The following HPCAL1 variants were observed in gnomAD, a reference collection of about 807,000 sequenced individuals.
HPCAL1 encodes hippocalcin like 1, also known as hippocalcin-like protein 1.
HPCAL1 carries 8 observed loss-of-function variants against 17.1 expected under a neutral mutation model. The observed-to-expected ratio is 0.47, with a 90% CI of 0.27 to 0.84. The LOEUF (loss-of-function observed/expected upper bound fraction) is 0.84, where lower values mean the gene tolerates loss of function less well. Ranked by LOEUF, HPCAL1 falls within the 40% of genes least tolerant of loss-of-function variation. HPCAL1 has a pLI of 0.13. For missense variants in HPCAL1, 165 were observed against 271.1 expected (o/e 0.61, Z 2.75); for synonymous variants, 112 against 111.4 (o/e 1.01, Z -0.03).
chr2:10,416,352 G>T (rs1009010827), intron 2 of HPCAL1, among the ~76,000 whole-genome samples: 1 of 152,322 alleles, frequency 6.6e-6, no homozygotes, highest in Non-Finnish European at 1.5e-5. Context: ...CCTGACAGCC[G>T]GAGGGGGGCT....
chr2:10,408,961 T>C (rs1172924707), intron 2 of HPCAL1, among the ~76,000 whole-genome samples: 1 of 152,164 alleles, frequency 6.6e-6, no homozygotes, highest in African/African-American at 2.4e-5. Flanking sequence ...TATAGCCGCA[T>C]TGAAAAGTAA....
intron 1 of HPCAL1, among the ~76,000 whole-genome samples, chr2:10,383,702 A>G (rs563988978): frequency 6.7e-6 from 1 of 149,766 alleles, no homozygotes; most frequent in Non-Finnish European, 1.5e-5. Context: ...GAAAAGAAAA[A>G]AAAGGTAAAT....
In HPCAL1 at chr2:10,377,628, C is replaced by T. The variant is rs1371844117; in HGVS notation, c.-110-19207C>T. 3.3e-5 allele frequency among the ~76,000 whole-genome samples: 5 copies of T among 152,042 alleles called. No individual in the cohort carries two copies. The highest frequency in any genetic ancestry group is 5.9e-5 in the Non-Finnish European group (4 of 67,990). On this transcript the variant is annotated intron_variant, in intron 1 of 4. Transcript: ENST00000307845. This position sits in a 1 kb window ranked among gnomAD's most constrained non-coding sequence, Gnocchi z 5.9. ...CCCCTCCTCCCCCTGGCTCCCGTGT[C>T]CTGCCCACCTCCCCACACTGGCACC...
intron 1 of HPCAL1, among the ~76,000 whole-genome samples, chr2:10,372,807 G>A (rs555356529): frequency 8.4e-4 from 128 of 152,358 alleles, no homozygotes; most frequent in Admixed American, 1.4e-3. Flanking sequence ...TCTGGAGCCT[G>A]TGGGTGTGTA....
chr2:10,416,140 C>T (rs1670656946), intron 2 of HPCAL1, among the ~76,000 whole-genome samples: 1 of 152,248 alleles, frequency 6.6e-6, no homozygotes, highest in Non-Finnish European at 1.5e-5. Flanking sequence ...GGCTTAGCGG[C>T]AGTCAAGGTA....
intron 1 of HPCAL1, among the ~76,000 whole-genome samples, chr2:10,320,084 C>A (rs1663576207): frequency 6.6e-6 from 1 of 152,116 alleles, no homozygotes; most frequent in Admixed American, 6.5e-5. Context: ...GTTGCCTCCT[C>A]CAAGAAGCCT....
At chr2:10,320,242 G>A (rs1663584446) in intron 1 of HPCAL1, among the ~76,000 whole-genome samples, 1 of 152,010 alleles carries the variant, frequency 6.6e-6, no homozygotes, top group African/African-American at 2.4e-5. Flanking sequence ...GCCTCCCCAC[G>A]GACATGGACG....
rs537749913 is a variant in HPCAL1, at chr2:10,319,851, C to T, written c.-111+16674C>T. 1.8e-4 allele frequency among the ~76,000 whole-genome samples: 28 copies of T among 152,082 alleles called. No individual in the cohort carries two copies. In the South Asian group the frequency reaches 2.1e-3, roughly 11 times the overall value. On this transcript the variant is annotated intron_variant, in intron 1 of 4. Coordinates refer to ENST00000307845, the MANE Select transcript of HPCAL1 (RefSeq NM_002149.4). ...AATCCTCAGGGATTCGTTTCCCAGC[C>T]GACTTATGCCTTACTAAGTGGAGCA...
At chr2:10,422,814 C>T (rs1258122045) in intron 3 of HPCAL1, among the ~76,000 whole-genome samples, 169 bp from the exon 4 acceptor site, 1 of 152,234 alleles carries the variant, frequency 6.6e-6, no homozygotes, top group Non-Finnish European at 1.5e-5. Context: ...CACATAGACA[C>T]CCGTGAGGTT....
Position 10,362,312 on chromosome 2 carries a change from TG to T in HPCAL1, c.-110-34517del, listed in dbSNP as rs1351380823. On this transcript the variant is annotated intron_variant, in intron 1 of 4. Coordinates refer to ENST00000307845, the MANE Select transcript of HPCAL1 (RefSeq NM_002149.4). The surrounding 1 kb of genome is among the most constrained non-coding windows in gnomAD (Gnocchi z 5.0). ...GGCACTCAGTCCTGGAGTGGCAGCA[TG>T]GGGGGCGGGGGCAGGAGCATGGGGG... is the stretch of plus-strand genomic sequence containing the variant. Among the ~76,000 whole-genome samples, 1 of 134,380 alleles carries T rather than the reference TG, an allele frequency of 7.4e-6. No homozygotes were observed. The highest frequency in any genetic ancestry group is 1.6e-5 in the Non-Finnish European group (1 of 62,522). 88.2% of individuals were successfully genotyped at this position (134,380 alleles called of 152,430 possible).
At chr2:10,411,226 C>T (rs897848992) in intron 2 of HPCAL1, among the ~76,000 whole-genome samples, 1 of 152,172 alleles carries the variant, frequency 6.6e-6, no homozygotes, top group Non-Finnish European at 1.5e-5. Context: ...GTGGCCTCCA[C>T]GGCTGCTTAT....
At chr2:10,347,160 G>A (rs527956114) in intron 1 of HPCAL1, among the ~76,000 whole-genome samples, 1 of 152,214 alleles carries the variant, frequency 6.6e-6, no homozygotes, top group Admixed American at 6.5e-5. Context: ...CGGCCTCAGT[G>A]AGAGGGAGTG....
At chr2:10,358,487 C>A (rs866376543) in intron 1 of HPCAL1, among the ~76,000 whole-genome samples, 2 of 152,326 alleles carry the variant, frequency 1.3e-5, no homozygotes, top group Middle Eastern at 3.4e-3. Context: ...TTTCCCAAGA[C>A]CACCCTGGCC....
intron 2 of HPCAL1, among the ~76,000 whole-genome samples, chr2:10,406,664 G>A (rs968504959): frequency 3.9e-5 from 6 of 152,228 alleles, no homozygotes; most frequent in Non-Finnish European, 5.9e-5. Flanking sequence ...GATTTCCACC[G>A]GGCTCGCTCT....
Position 10,384,524 on chromosome 2 carries a change from C to T in HPCAL1, c.-110-12311C>T, listed in dbSNP as rs1201903822. ...GGCACTGGGGCAAGGCCCCCTCCCCCATGGGGCTACAGATGCTAATCTGCA... is the reference window on the plus strand; with the variant it reads ...GGCACTGGGGCAAGGCCCCCTCCCCTATGGGGCTACAGATGCTAATCTGCA... On this transcript the variant is annotated intron_variant, in intron 1 of 4. Transcript: ENST00000307845. This position sits in a 1 kb window ranked among gnomAD's most constrained non-coding sequence, Gnocchi z 4.4. 6.6e-6 allele frequency among the ~76,000 whole-genome samples: 1 copy of T among 152,124 alleles called. No individual in the cohort carries two copies. The highest frequency in any genetic ancestry group is 1.5e-5 in the Non-Finnish European group (1 of 68,008).
chr2:10,420,039 G>C lies in HPCAL1; in HGVS notation c.282G>C (p.Arg94=). 3 of 1,613,914 alleles carry C rather than the reference G, an allele frequency of 1.9e-6. No individual in the cohort carries two copies. Among genetic ancestry groups the C allele is most frequent in the Non-Finnish European group, 2.5e-6 (3 of 1,180,020 alleles). Residue 94 remains arginine (R), a synonymous_variant, in exon 3 of 5, where the codon CGG becomes CGC. Transcript: ENST00000307845. ...EFIIALSVTS[R]GKLEQKLKWA... ...TCATTGCGCTGAGCGTGACCTCGCGGGGCAAGCTGGAGCAGAAGCTCAAGT... is the reference window on the plus strand; with the variant it reads ...TCATTGCGCTGAGCGTGACCTCGCGCGGCAAGCTGGAGCAGAAGCTCAAGT...
chr2:10,364,348 G>C (rs542240209), intron 1 of HPCAL1, among the ~76,000 whole-genome samples: 1 of 152,170 alleles, frequency 6.6e-6, no homozygotes, highest in African/African-American at 2.4e-5. Context: ...TGAGGGTGAG[G>C]CCCCCCCTAC....
intron 1 of HPCAL1, among the ~76,000 whole-genome samples, chr2:10,388,725 C>T (rs140002801): frequency 1.3e-5 from 2 of 152,340 alleles, no homozygotes; most frequent in African/African-American, 2.4e-5. Context: ...CTGCCGACCT[C>T]GTCTCTTACT....
chr2:10,417,374 A>C (rs1558532512), intron 2 of HPCAL1, among the ~76,000 whole-genome samples: 2 of 145,384 alleles, frequency 1.4e-5, no homozygotes, highest in South Asian at 2.2e-4. Flanking sequence ...AAAAAAAAAC[A>C]AAAAAAAAAG....
Sources: gnomAD v4.1 joint callset for allele counts (sites outside exome capture counted in the v4.1 genomes callset) on GRCh38, gnomAD v4.1.1 for gene constraint, Gnocchi (gnomAD v3.1) non-coding constraint, MANE v1.5 for transcripts, NCBI Gene and HGNC (gene_info 2026-07-23, HGNC 2026-07-21) for gene names.